Variants in MKRN1 observed in about 807,000 individuals in gnomAD.
MKRN1 encodes E3 ubiquitin-protein ligase makorin-1.
MKRN1 carries 9 observed loss-of-function variants against 55.5 expected under a neutral mutation model. The observed-to-expected ratio is 0.16, with a 90% CI of 0.10 to 0.28. MKRN1 has a LOEUF of 0.28. MKRN1 is among the 10% of genes least tolerant of loss of function. The probability of loss-of-function intolerance (pLI) is 1.00; values close to 1 mark genes in which losing one functional copy is unlikely to be tolerated. For missense variants in MKRN1, 488 were observed against 626.7 expected (o/e 0.78, Z 2.36); for synonymous variants, 253 against 235.9 (o/e 1.07, Z -0.66).
intron 1 of MKRN1, chr7:140,478,874 T>C (rs984761927): frequency 1.1e-5 from 3 of 271,084 alleles, no homozygotes; most frequent in Non-Finnish European, 2.1e-5. Flanking sequence ...CAGGCAGCGC[T>C]CAGGGAAGTG....
chr7:140,459,259 A>C (rs1794551017), intron 3 of MKRN1, 26 bp from the exon 4 acceptor site: 1 of 1,607,434 alleles, frequency 6.2e-7, no homozygotes, highest in South Asian at 1.1e-5. Flanking sequence ...AGGGTGGTAA[A>C]GGTCCAAATA....
At chr7:140,460,439 A>G (rs1190729659) in intron 2 of MKRN1, among the ~76,000 whole-genome samples, 2 of 149,492 alleles carry the variant, frequency 1.3e-5, no homozygotes, top group Non-Finnish European at 3.0e-5. Flanking sequence ...CCTCCCAAGT[A>G]GCTGGGATTA....
chr7:140,457,595 TG>T (rs1794504515), intron 4 of MKRN1, among the ~76,000 whole-genome samples: 1 of 151,940 alleles, frequency 6.6e-6, no homozygotes, highest in African/African-American at 2.4e-5. Context: ...GCAGGCGTGG[TG>T]GTGCATGCCT....
intron 1 of MKRN1, chr7:140,472,272 TAAA>T: frequency 2.6e-6 from 1 of 387,550 alleles, no homozygotes; most frequent in Non-Finnish European, 4.8e-6. Flanking sequence ...CCGTCTCTAC[TAAA>T]AATACAAAAA....
rs928091301 is a variant in MKRN1, at chr7:140,471,990, A to G, written c.207T>C (p.Cys69=). 4.3e-6 allele frequency: 7 copies of G among 1,614,066 alleles called. No homozygotes were observed. The highest frequency in any genetic ancestry group is 3.3e-4 in the Middle Eastern group (2 of 6,084). ...VTCRYFMHGV[C]KEGDNCRYSH... ...AGTAGCGACAGTTGTCTCCTTCCTT[A>G]CAAACCCCATGCATAAAATACCTGT... is the stretch of plus-strand genomic sequence containing the variant. The change falls in exon 2 of 8, where the codon TGT becomes TGC. Residue 69 remains cysteine (C), a synonymous_variant. Transcript: ENST00000255977.
chr7:140,477,753 G>C (rs1250165035), intron 1 of MKRN1, among the ~76,000 whole-genome samples: 2 of 152,150 alleles, frequency 1.3e-5, no homozygotes, highest in Non-Finnish European at 2.9e-5. Flanking sequence ...CCACCACGCC[G>C]ACCTAGCCAC....
At chr7:140,455,607 C>T in intron 6 of MKRN1, 183 bp downstream of exon 6, 2 of 591,454 alleles carry the variant, frequency 3.4e-6, no homozygotes, top group Admixed American at 5.9e-5. Flanking sequence ...TTGGCATGGA[C>T]CCCAAGGACT....
chr7:140,455,020 C>A, intron 7 of MKRN1, 75 bp downstream of exon 7: 2 of 1,565,604 alleles, frequency 1.3e-6, no homozygotes, highest in Admixed American at 1.8e-5. Context: ...CCTTCTCCTT[C>A]CCCTACCCCA....
chr7:140,472,140 C>A (rs1021338792), intron 1 of MKRN1, 129 bp from the exon 2 acceptor site: 8 of 1,312,654 alleles, frequency 6.1e-6, no homozygotes, highest in South Asian at 2.8e-5. Flanking sequence ...AAAGAAAGGG[C>A]CAGGCATGGT....
chr7:140,471,733 G>A (rs1794932651), intron 2 of MKRN1, 150 bp downstream of exon 2: 20 of 1,103,048 alleles, frequency 1.8e-5, no homozygotes, highest in Non-Finnish European at 2.3e-5. Flanking sequence ...GCATCCCAAA[G>A]TGCTGGGATT....
intron 2 of MKRN1, among the ~76,000 whole-genome samples, chr7:140,466,282 A>G (rs1333339353): frequency 6.6e-6 from 1 of 152,130 alleles, no homozygotes; most frequent in Non-Finnish European, 1.5e-5. Flanking sequence ...ACTTCCTTTC[A>G]CTTTATGCTA....
At chr7:140,460,099 A>ATTT in intron 2 of MKRN1, 163 bp from the exon 3 acceptor site, 1 of 646,140 alleles carries the variant, frequency 1.5e-6, no homozygotes, top group Non-Finnish European at 2.7e-6. Context: ...AAACGCAAAA[A>ATTT]TTAGCTGGGC....
chr7:140,453,880 T>C lies in MKRN1; in HGVS notation c.*637A>G, dbSNP rs548760771. 2 of 156,732 alleles carry C rather than the reference T, an allele frequency of 1.3e-5. No homozygotes were observed. The highest frequency in any genetic ancestry group is 3.8e-4 in the South Asian group (2 of 5,318). The allele number at this position is 156,732 out of a possible 1,614,324, so 9.7% of individuals were successfully genotyped here. A position where few individuals can be genotyped will look rare whatever the true frequency, so the allele number is the denominator to read the frequency against. ...CTCTCTATCTTTTATACGTATTCTTTCTCAATTTTCCTATCATGCAAAACA... is the reference window on the plus strand; with the variant it reads ...CTCTCTATCTTTTATACGTATTCTTCCTCAATTTTCCTATCATGCAAAACA... On this transcript the variant is annotated 3_prime_UTR_variant, in exon 8 of 8. Transcript: ENST00000255977.
chr7:140,474,005 A>AAAAGAAAG (rs71272543), intron 1 of MKRN1, among the ~76,000 whole-genome samples: 5,671 of 65,162 alleles, frequency 0.087, 272 homozygotes, highest in African/African-American at 0.1. Flanking sequence ...AAAAAAAAAA[A>AAAAGAAAG]AAAGAAAGAA....
chr7:140,470,145 C>T (rs916813479), intron 2 of MKRN1, among the ~76,000 whole-genome samples: 4 of 149,074 alleles, frequency 2.7e-5, no homozygotes, highest in Admixed American at 6.8e-5. Context: ...CTCTCGAACG[C>T]GGGAGGCAGA....
chr7:140,460,596 C>T (rs1190277296), intron 2 of MKRN1, among the ~76,000 whole-genome samples: 3 of 152,066 alleles, frequency 2.0e-5, no homozygotes, highest in South Asian at 2.1e-4. Context: ...CCACCACGTA[C>T]GGCCATATAT....
chr7:140,461,781 C>T (rs546751155), intron 2 of MKRN1, among the ~76,000 whole-genome samples: 5 of 151,904 alleles, frequency 3.3e-5, no homozygotes, highest in Admixed American at 2.0e-4. Context: ...GTTGGGAGTT[C>T]GAGACCAGCC....
At chr7:140,478,450 T>C (rs1392459494) in intron 1 of MKRN1, 1 of 152,016 alleles carries the variant, frequency 6.6e-6, no homozygotes, top group Non-Finnish European at 1.5e-5. Context: ...AAGAGGAACA[T>C]AGCGCTGGGG....
intron 2 of MKRN1, among the ~76,000 whole-genome samples, chr7:140,464,813 A>G: frequency 6.6e-6 from 1 of 152,128 alleles, no homozygotes; most frequent in Admixed American, 6.6e-5. Flanking sequence ...TCTTTGAGAC[A>G]GGGTCTCACT....
Sources: gnomAD v4.1 joint callset for allele counts (sites outside exome capture counted in the v4.1 genomes callset) on GRCh38, gnomAD v4.1.1 for gene constraint, MANE v1.5 for transcripts, NCBI Gene and HGNC (gene_info 2026-07-23, HGNC 2026-07-21) for gene names.